ARRDC4: variants seen among roughly 807,000 people sequenced by gnomAD.
The protein encoded by ARRDC4 is arrestin domain containing 4.
In ARRDC4, 40 loss-of-function variants were observed where a neutral mutation model predicts 44.6. That is an observed-to-expected ratio of 0.90 (90% confidence interval 0.70 to 1.17). ARRDC4 has a LOEUF of 1.17. Ranked by LOEUF, ARRDC4 falls within the 50% of genes most tolerant of loss-of-function variation. The pLI is 0.00. For missense variants in ARRDC4, 550 were observed against 559.1 expected (o/e 0.98, Z 0.16); for synonymous variants, 211 against 221.2 (o/e 0.95, Z 0.41).
In ARRDC4 at chr15:97,965,819, C is replaced by T. The variant is rs1899409109; in HGVS notation, c.375-76C>T. Reference sequence around the variant, plus strand: ...CTCTTTTTTTATTTCCAACCTAAAACATTTTAAACCATGCTTTTTTTGGCT... The same window carrying T: ...CTCTTTTTTTATTTCCAACCTAAAATATTTTAAACCATGCTTTTTTTGGCT... On this transcript the variant is annotated intron_variant, in intron 2 of 7. Coordinates refer to ENST00000268042, the MANE Select transcript of ARRDC4 (RefSeq NM_183376.3). This position sits in a 1 kb window ranked among gnomAD's most constrained non-coding sequence, Gnocchi z 5.1. 4 of 1,556,416 alleles carry T rather than the reference C, an allele frequency of 2.6e-6. No individual in the cohort carries two copies. Among genetic ancestry groups the T allele is most frequent in the Non-Finnish European group, 3.5e-6 (4 of 1,142,086 alleles).
chr15:97,970,986 T>C lies in ARRDC4; in HGVS notation c.1201-145T>C, dbSNP rs926833117. 1.0e-6 allele frequency: 1 copy of C among 969,764 alleles called. No homozygotes were observed. Among genetic ancestry groups the C allele is most frequent in the Non-Finnish European group, 1.6e-6 (1 of 633,642 alleles). The allele number at this position is 969,764 out of a possible 1,614,324, so 60.1% of individuals were successfully genotyped here. A position where few individuals can be genotyped will look rare whatever the true frequency, so the allele number is the denominator to read the frequency against. ...GCCTTTAAGGTGTGTTATTTGGCCA[T>C]GGAATATAGAGAACTTAAGCACCTT... On this transcript the variant is annotated intron_variant, in intron 7 of 7. Coordinates refer to ENST00000268042, the MANE Select transcript of ARRDC4 (RefSeq NM_183376.3). This position sits in a 1 kb window ranked among gnomAD's most constrained non-coding sequence, Gnocchi z 4.2.
chr15:97,968,705 G>A lies in ARRDC4; in HGVS notation c.626-418G>A, dbSNP rs1555456430. On this transcript the variant is annotated intron_variant, in intron 4 of 7. Coordinates refer to ENST00000268042, the MANE Select transcript of ARRDC4 (RefSeq NM_183376.3). This position sits in a 1 kb window ranked among gnomAD's most constrained non-coding sequence, Gnocchi z 5.4. ...TAATCCATCCGTTGATTCTTTCTGT[G>A]CCTTAACATTATTAATTCCTTAAAA... 6.6e-6 allele frequency among the ~76,000 whole-genome samples: 1 copy of A among 152,138 alleles called. No homozygotes were observed. Among genetic ancestry groups the A allele is most frequent in the Non-Finnish European group, 1.5e-5 (1 of 68,020 alleles).
chr15:97,962,466 T>C (rs969939069), intron 1 of ARRDC4, among the ~76,000 whole-genome samples: 1 of 152,194 alleles, frequency 6.6e-6, no homozygotes. Flanking sequence ...ACATTGATTT[T>C]TGTCCAGGAC....
chr15:97,969,502 GGACTGT>G, intron 5 of ARRDC4, 123 bp downstream of exon 5: 1 of 1,101,682 alleles, frequency 9.1e-7, no homozygotes, highest in Non-Finnish European at 1.3e-6. Flanking sequence ...CACCAATTGG[GGACTGT>G]ATGAAGATTG....
chr15:97,961,751 G>A (rs1473166121), intron 1 of ARRDC4, among the ~76,000 whole-genome samples: 1 of 152,110 alleles, frequency 6.6e-6, no homozygotes, highest in African/African-American at 2.4e-5. Flanking sequence ...ACCTCTACCT[G>A]ATACTGCTGC....
Position 97,970,875 on chromosome 15 carries a change from T to C in ARRDC4, c.1200+132T>C. The C allele has an allele frequency of 8.8e-7, 1 of 1,137,014 alleles. No individual in the cohort carries two copies. The highest frequency in any genetic ancestry group is 1.2e-6 in the Non-Finnish European group (1 of 812,072). 70.4% of individuals were successfully genotyped at this position (1,137,014 alleles called of 1,614,324 possible). On this transcript the variant is annotated intron_variant, in intron 7 of 7. Coordinates refer to ENST00000268042, the MANE Select transcript of ARRDC4 (RefSeq NM_183376.3). This position sits in a 1 kb window ranked among gnomAD's most constrained non-coding sequence, Gnocchi z 4.2. ...GATACATTTAAATTTGTTTATACAG[T>C]GGTAATAGATTATCGCTGATTCATT...
Position 97,970,597 on chromosome 15 carries a change from A to G in ARRDC4, c.1054A>G (p.Asn352Asp). Residue 352 changes from asparagine (N) to aspartate (D), a missense_variant, in exon 7 of 8, where the codon AAT (asparagine) becomes GAT (aspartate). Transcript: ENST00000268042. This position sits in a 1 kb window ranked among gnomAD's most constrained non-coding sequence, Gnocchi z 4.2. ...TLPEQPEAPPNYADVVSEEEF... is the reference protein window; with the variant it reads ...TLPEQPEAPPDYADVVSEEEF... ...CTTCATTTCTATTTCAGCACCACCA[A>G]ATTATGCAGATGTGGTATCAGAGGA... is the stretch of plus-strand genomic sequence containing the variant. 6.2e-7 allele frequency: 1 copy of G among 1,608,782 alleles called. No homozygotes were observed. The highest frequency in any genetic ancestry group is 1.1e-5 in the South Asian group (1 of 90,132).
In ARRDC4 at chr15:97,973,402, C is replaced by T. The variant is rs1292253340; in HGVS notation, c.*2215C>T. The stretch of plus-strand genomic sequence containing the variant: ...ACTTGCCTTATTGAAATGATACTGG[C>T]ATATCTGACTGTAAGCAGTAGGTTG... On this transcript the variant is annotated 3_prime_UTR_variant, in exon 8 of 8. Coordinates refer to ENST00000268042, the MANE Select transcript of ARRDC4 (RefSeq NM_183376.3). 6.6e-6 allele frequency: 1 copy of T among 152,452 alleles called. No homozygotes were observed. The highest frequency in any genetic ancestry group is 1.5e-5 in the Non-Finnish European group (1 of 68,016). The allele number at this position is 152,452 out of a possible 1,614,324, so 9.4% of individuals were successfully genotyped here.
Position 97,969,369 on chromosome 15 carries a change from A to C in ARRDC4, c.872A>C (p.Tyr291Ser). 2 of 1,609,598 alleles carry C rather than the reference A, an allele frequency of 1.2e-6. No homozygotes were observed. The highest frequency in any genetic ancestry group is 1.7e-6 in the Non-Finnish European group (2 of 1,178,982). The change falls in exon 5 of 8, where the codon TAT becomes TCT. Residue 291 changes from tyrosine (Y) to serine (S), a missense_variant. Coordinates refer to ENST00000268042, the MANE Select transcript of ARRDC4 (RefSeq NM_183376.3). ...ILDCCIIRVDYSLAVYIHIPG... is the reference protein window; with the variant it reads ...ILDCCIIRVDSSLAVYIHIPG... ...GATTGCTGCATTATCAGAGTGGACT[A>C]TTCCTTAGCTGTAAGCAAAGCTCTT...
Position 97,973,799 on chromosome 15 carries a change from A to G in ARRDC4, c.*2612A>G, listed in dbSNP as rs1035914203. On this transcript the variant is annotated 3_prime_UTR_variant, in exon 8 of 8. Transcript: ENST00000268042. ...TACTTTGTATGCTTGTTTGAACCCT[A>G]TGGGTTCGTTTTATTAATAAAATTA... The G allele has an allele frequency of 2.6e-5, 4 of 152,248 alleles. No homozygotes were observed. The highest frequency in any genetic ancestry group is 1.3e-4 in the Admixed American group (2 of 15,246). 9.4% of individuals were successfully genotyped at this position (152,248 alleles called of 1,614,324 possible).
In ARRDC4 at chr15:97,968,439, C is replaced by T. The variant is rs1222547518; in HGVS notation, c.625+323C>T. Among the ~76,000 whole-genome samples the T allele has an allele frequency of 6.6e-6, 1 of 152,138 alleles. No homozygotes were observed. The highest frequency in any genetic ancestry group is 1.5e-5 in the Non-Finnish European group (1 of 68,026). On this transcript the variant is annotated intron_variant, in intron 4 of 7. Transcript: ENST00000268042. This position sits in a 1 kb window ranked among gnomAD's most constrained non-coding sequence, Gnocchi z 5.4. ...CAGGGTTGTATTGCTAAAAAGAGAA[C>T]TACTGGAGTATGAAATGCTATTAGA...
At chr15:97,964,299 TG>T in intron 1 of ARRDC4, among the ~76,000 whole-genome samples, 1 of 152,164 alleles carries the variant, frequency 6.6e-6, no homozygotes, top group Non-Finnish European at 1.5e-5. Context: ...TTTTTTTTAG[TG>T]AATGGATAAA....
In ARRDC4 at chr15:97,969,354, T is replaced by C; in HGVS notation, c.857T>C (p.Ile286Thr). The C allele has an allele frequency of 6.2e-7, 1 of 1,613,490 alleles. No homozygotes were observed. Among genetic ancestry groups the C allele is most frequent in the Non-Finnish European group, 8.5e-7 (1 of 1,179,762 alleles). Reference protein sequence around the residue: ...PVTPSILDCCIIRVDYSLAVY... With the variant: ...PVTPSILDCCTIRVDYSLAVY... ...ACTCCATCCATCCTGGATTGCTGCA[T>C]TATCAGAGTGGACTATTCCTTAGCT... is the stretch of plus-strand genomic sequence containing the variant. Residue 286 changes from isoleucine to threonine, a missense_variant, in exon 5 of 8, where the codon ATT becomes ACT. Coordinates refer to ENST00000268042, the MANE Select transcript of ARRDC4 (RefSeq NM_183376.3).
Position 97,970,642 on chromosome 15 carries a change from C to G in ARRDC4, c.1099C>G (p.Pro367Ala). Residue 367 changes from proline to alanine, a missense_variant, in exon 7 of 8, where the codon CCT (proline) becomes GCT (alanine). Physicochemically the swap from Pro to Ala is conservative, Grantham distance 27. Transcript: ENST00000268042. The surrounding 1 kb of genome is among the most constrained non-coding windows in gnomAD (Gnocchi z 4.2). ...VSEEEFSRHI[P>A]PYPQPPNCEG... ...AGAGGAAGAATTCTCTAGACACATTCCTCCTTACCCTCAACCCCCTAACTG... is the reference window on the plus strand; with the variant it reads ...AGAGGAAGAATTCTCTAGACACATTGCTCCTTACCCTCAACCCCCTAACTG... 1 of 1,613,302 alleles carries G rather than the reference C, an allele frequency of 6.2e-7. No individual in the cohort carries two copies. The highest frequency in any genetic ancestry group is 8.5e-7 in the Non-Finnish European group (1 of 1,179,448).
rs1899421913 is a variant in ARRDC4 at position 97,966,505 on chromosome 15, C to T, written c.522+463C>T. Among the ~76,000 whole-genome samples, 2 of 152,136 alleles carry T rather than the reference C, an allele frequency of 1.3e-5. No homozygotes were observed. Among genetic ancestry groups the T allele is most frequent in the African/African-American group, 4.8e-5 (2 of 41,428 alleles). Reference sequence around the variant, plus strand: ...CAGGCCATTATGCTATGTATCCTTCCATTTTGCATGTCATTTTCTAACATT... The same window carrying T: ...CAGGCCATTATGCTATGTATCCTTCTATTTTGCATGTCATTTTCTAACATT... On this transcript the variant is annotated intron_variant, in intron 3 of 7. Transcript: ENST00000268042. This position sits in a 1 kb window ranked among gnomAD's most constrained non-coding sequence, Gnocchi z 4.7.
In ARRDC4 at chr15:97,965,904, C is replaced by T. The variant is rs761766424; in HGVS notation, c.384C>T (p.Val128=). The change falls in exon 3 of 8, where the codon GTC becomes GTT. Residue 128 remains valine, a synonymous_variant. Transcript: ENST00000268042. This position sits in a 1 kb window ranked among gnomAD's most constrained non-coding sequence, Gnocchi z 5.1. Reference sequence around the variant, plus strand: ...CTTTGGTTGGTTTCAGACCTTTGGTCACCTCGTTTACTGGGAAATATGGAA... The same window carrying T: ...CTTTGGTTGGTTTCAGACCTTTGGTTACCTCGTTTACTGGGAAATATGGAA... ...FRFQLPSEPL[V]TSFTGKYGSI... is the part of the protein sequence containing the mutation. 1.9e-6 allele frequency: 3 copies of T among 1,613,678 alleles called. No individual in the cohort carries two copies. The highest frequency in any genetic ancestry group is 4.5e-5 in the East Asian group (2 of 44,886).
At position 97,970,767 on chromosome 15, in the gene ARRDC4, G is replaced by A; in HGVS notation, c.1200+24G>A. 6.3e-7 allele frequency: 1 copy of A among 1,596,156 alleles called. No individual in the cohort carries two copies. Among genetic ancestry groups the A allele is most frequent in the Non-Finnish European group, 8.6e-7 (1 of 1,169,062 alleles). ...AGGTAAGCAAAGCAAAAGAAAATTA[G>A]ACTTTTACTGTATTATTTTCAAATA... On this transcript the variant is annotated intron_variant, in intron 7 of 7. Transcript: ENST00000268042. The surrounding 1 kb of genome is among the most constrained non-coding windows in gnomAD (Gnocchi z 4.2).
intron 5 of ARRDC4, 95 bp downstream of exon 5, chr15:97,969,474 AT>A: frequency 7.2e-7 from 1 of 1,392,004 alleles, no homozygotes; most frequent in Non-Finnish European, 9.9e-7. Flanking sequence ...TAAAAATGTC[AT>A]TTTATTTCAG....
chr15:97,963,586 C>T (rs1899362080), intron 1 of ARRDC4, among the ~76,000 whole-genome samples: 1 of 152,170 alleles, frequency 6.6e-6, no homozygotes, highest in South Asian at 2.1e-4. Flanking sequence ...AATTTCCCTT[C>T]CTATCTGTCT....
Sources: gnomAD v4.1 joint callset for allele counts (sites outside exome capture counted in the v4.1 genomes callset) on GRCh38, gnomAD v4.1.1 for gene constraint, Gnocchi (gnomAD v3.1) non-coding constraint, MANE v1.5 for transcripts, NCBI Gene and HGNC (gene_info 2026-07-23, HGNC 2026-07-21) for gene names.